NKAIN2: variants seen among roughly 807,000 people sequenced by gnomAD.
The protein encoded by NKAIN2 is sodium/potassium transporting ATPase interacting 2.
NKAIN2 carries 14 observed loss-of-function variants against 32.6 expected under a neutral mutation model. The ratio of observed to expected loss-of-function variants is 0.43; its 90% CI spans 0.28 to 0.67. NKAIN2 has a LOEUF of 0.67. NKAIN2 is among the 30% of genes least tolerant of loss of function. The pLI, the probability that NKAIN2 is intolerant of heterozygous loss-of-function variation, is 0.17. For missense variants in NKAIN2, 198 were observed against 258.3 expected, an observed-to-expected ratio of 0.77 and a Z score of 1.60; for synonymous variants, 80 against 87.2, an observed-to-expected ratio of 0.92 and a Z score of 0.46.
chr6:124,664,279 A>AAAAG (rs1772655603), intron 4 of NKAIN2, among the ~76,000 whole-genome samples: 1 of 152,028 alleles, frequency 6.6e-6, no homozygotes, highest in East Asian at 1.9e-4. Context: ...TGTCTCAAAA[A>AAAAG]AAAGAAAGAA....
chr6:123,911,782 C>CATAT lies in NKAIN2; in HGVS notation c.54+107543_54+107546dup, dbSNP rs376952328. Among the ~76,000 whole-genome samples, 17 of 105,614 alleles carry CATAT rather than the reference C, an allele frequency of 1.6e-4. 2 individuals are homozygous for CATAT. The highest frequency in any genetic ancestry group is 4.0e-4 in the African/African-American group (10 of 24,836). 69.3% of individuals were successfully genotyped at this position (105,614 alleles called of 152,430 possible). A position where few individuals can be genotyped will look rare whatever the true frequency, so the allele number is the denominator to read the frequency against. On this transcript the variant is annotated intron_variant, in intron 1 of 6. Coordinates refer to ENST00000368417, the MANE Select transcript of NKAIN2 (RefSeq NM_001040214.3). ...AAATAGTCGTATATATACATACATA[C>CATAT]ATATATATATATATATATGTATATA...
chr6:123,976,993 A>G (rs1344463619), intron 1 of NKAIN2, among the ~76,000 whole-genome samples: 1 of 152,128 alleles, frequency 6.6e-6, no homozygotes, highest in Non-Finnish European at 1.5e-5. Flanking sequence ...TGAACAATCA[A>G]AAAAGAAATG....
intron 2 of NKAIN2, among the ~76,000 whole-genome samples, chr6:124,333,420 G>A (rs1797742859): frequency 6.6e-6 from 1 of 151,954 alleles, no homozygotes; most frequent in African/African-American, 2.4e-5. Context: ...CACAAACTGG[G>A]AAGCCAAAGC....
chr6:124,702,693 A>T (rs1401913327), intron 4 of NKAIN2, among the ~76,000 whole-genome samples: 2 of 152,060 alleles, frequency 1.3e-5, no homozygotes, highest in Non-Finnish European at 2.9e-5. Flanking sequence ...ATCAATGCTT[A>T]TTAGCCTTCT....
Position 123,870,504 on chromosome 6 carries a change from A to G in NKAIN2, c.54+66250A>G, listed in dbSNP as rs138799815. 2.0e-5 allele frequency among the ~76,000 whole-genome samples: 3 copies of G among 152,294 alleles called. 1 individual carries two copies. In the East Asian group the frequency reaches 5.8e-4, roughly 29 times the overall value. ...TGTGTATGAGACTGAGCAACGATTG[A>G]TGTTCTCTAAGCTTTAGTTTTCTGC... On this transcript the variant is annotated intron_variant, in intron 1 of 6. Coordinates refer to ENST00000368417, the MANE Select transcript of NKAIN2 (RefSeq NM_001040214.3).
At chr6:124,745,392 T>C (rs1777402659) in intron 4 of NKAIN2, among the ~76,000 whole-genome samples, 1 of 151,906 alleles carries the variant, frequency 6.6e-6, no homozygotes, top group South Asian at 2.1e-4. Context: ...CTCTCAGACT[T>C]CAGTTTTATG....
chr6:123,916,438 A>G (rs1775501174), intron 1 of NKAIN2, among the ~76,000 whole-genome samples: 1 of 151,694 alleles, frequency 6.6e-6, no homozygotes, highest in Admixed American at 6.6e-5. Context: ...TTTTTTTTGT[A>G]TTTTTAGTAG....
Position 123,980,991 on chromosome 6 carries a change from TC to T in NKAIN2, c.54+176740del, listed in dbSNP as rs1389790711. 2.0e-5 allele frequency among the ~76,000 whole-genome samples: 3 copies of T among 152,034 alleles called. No individual in the cohort carries two copies. The South Asian group carries it at 6.2e-4, about 32-fold the overall frequency. On this transcript the variant is annotated intron_variant, in intron 1 of 6. Transcript: ENST00000368417. ...TTCAAGCTATTCCCCTGCCTCAGCC[TC>T]CCGAGTAGGTAGGACTACAGGCACG...
At chr6:124,155,307 G>A (rs905423186) in intron 1 of NKAIN2, among the ~76,000 whole-genome samples, 3 of 152,010 alleles carry the variant, frequency 2.0e-5, no homozygotes, top group African/African-American at 7.2e-5. Flanking sequence ...CTAGAAGGAG[G>A]ATACTGAATG....
At chr6:124,507,853 G>T (rs1778547179) in intron 3 of NKAIN2, among the ~76,000 whole-genome samples, 1 of 152,098 alleles carries the variant, frequency 6.6e-6, no homozygotes, top group Non-Finnish European at 1.5e-5. Flanking sequence ...TAAAGAAATA[G>T]AATTCAAGGG....
rs534219680 is a variant in NKAIN2 at position 124,231,615 on chromosome 6, C to T, written c.55-51390C>T. ...TTCTTGTGATAGTGAATAAGTCTTA[C>T]GAAATCTGATGTTTTAAAAATGGGA... On this transcript the variant is annotated intron_variant, in intron 1 of 6. Transcript: ENST00000368417. Among the ~76,000 whole-genome samples the T allele has an allele frequency of 1.6e-4, 25 of 152,142 alleles. No individual in the cohort carries two copies. The East Asian group carries it at 1.7e-3, about 11-fold the overall frequency.
At chr6:123,917,863 G>A (rs1392332170) in intron 1 of NKAIN2, among the ~76,000 whole-genome samples, 2 of 152,112 alleles carry the variant, frequency 1.3e-5, no homozygotes, top group Non-Finnish European at 2.9e-5. Context: ...TTTAGGAAAA[G>A]TAAACTGCAG....
At chr6:124,742,239 T>C (rs1777249015) in intron 4 of NKAIN2, among the ~76,000 whole-genome samples, 1 of 151,832 alleles carries the variant, frequency 6.6e-6, no homozygotes, top group Admixed American at 6.6e-5. Flanking sequence ...AAAAGATTAT[T>C]ATTTGAATCA....
chr6:124,540,743 A>C (rs1779881997), intron 3 of NKAIN2, among the ~76,000 whole-genome samples: 1 of 152,250 alleles, frequency 6.6e-6, no homozygotes, highest in Non-Finnish European at 1.5e-5. Context: ...TCAAGTACTC[A>C]TACAATTATT....
At chr6:124,110,589 A>G (rs2114968926) in intron 1 of NKAIN2, among the ~76,000 whole-genome samples, 1 of 152,018 alleles carries the variant, frequency 6.6e-6, no homozygotes, top group Non-Finnish European at 1.5e-5. Context: ...TTGTTTGCAT[A>G]TTTATATCCA....
Position 124,784,762 on chromosome 6 carries a change from T to C in NKAIN2, c.475-6577T>C, listed in dbSNP as rs151146013. 7.5e-4 allele frequency among the ~76,000 whole-genome samples: 114 copies of C among 152,196 alleles called. 1 individual carries two copies. Among genetic ancestry groups the C allele is most frequent in the African/African-American group, 2.7e-3 (111 of 41,546 alleles). On this transcript the variant is annotated intron_variant, in intron 4 of 6. Coordinates refer to ENST00000368417, the MANE Select transcript of NKAIN2 (RefSeq NM_001040214.3). The stretch of plus-strand genomic sequence containing the variant: ...ATTGCACTCCTGTGTAGGAGTGCAA[T>C]TGCTGGATCATATGGTAGTTGCGTG...
Position 124,568,670 on chromosome 6 carries a change from C to T in NKAIN2, c.274-89516C>T, listed in dbSNP as rs571447539. On this transcript the variant is annotated intron_variant, in intron 3 of 6. Coordinates refer to ENST00000368417, the MANE Select transcript of NKAIN2 (RefSeq NM_001040214.3). ...TCTAGCTGGCCACCATGAAATCCATCAGTATAGCTCATTACAAATGTAGGG... is the reference window on the plus strand; with the variant it reads ...TCTAGCTGGCCACCATGAAATCCATTAGTATAGCTCATTACAAATGTAGGG... 4.6e-5 allele frequency among the ~76,000 whole-genome samples: 7 copies of T among 151,970 alleles called. No individual in the cohort carries two copies. The East Asian group carries it at 1.2e-3, about 25-fold the overall frequency.
intron 3 of NKAIN2, among the ~76,000 whole-genome samples, chr6:124,603,428 G>T (rs572090071): frequency 9.9e-5 from 15 of 151,902 alleles, no homozygotes; most frequent in South Asian, 8.3e-4. Context: ...TAGTTAACAA[G>T]TTTCAGTTCT....
intron 3 of NKAIN2, among the ~76,000 whole-genome samples, chr6:124,497,425 G>C (rs976853824): frequency 6.6e-6 from 1 of 152,084 alleles, no homozygotes; most frequent in Non-Finnish European, 1.5e-5. Context: ...TACATCGCTA[G>C]GGCTTTTCAC....
Sources: gnomAD v4.1 joint callset for allele counts (sites outside exome capture counted in the v4.1 genomes callset) on GRCh38, gnomAD v4.1.1 for gene constraint, MANE v1.5 for transcripts, NCBI Gene and HGNC (gene_info 2026-07-23, HGNC 2026-07-21) for gene names.